MSI1: variants seen among roughly 807,000 people sequenced by gnomAD.
MSI1 encodes musashi RNA binding protein 1, also known as RNA-binding protein Musashi homolog 1.
In MSI1, 15 loss-of-function variants were observed where a neutral mutation model predicts 54.4. That is an observed-to-expected ratio of 0.28 (90% CI 0.18 to 0.42). MSI1 has a LOEUF of 0.42. Ranked by LOEUF, MSI1 falls within the 20% of genes least tolerant of loss-of-function variation. MSI1 has a pLI of 1.00. For synonymous variants in MSI1, 200 were observed against 196.5 expected, an observed-to-expected ratio of 1.02 and a Z score of -0.15; for missense variants, 304 against 506.0, an observed-to-expected ratio of 0.60 and a Z score of 3.83.
chr12:120,342,112 G>A lies in MSI1; in HGVS notation c.*1015C>T. The A allele has an allele frequency of 6.5e-6, 1 of 153,562 alleles. No individual in the cohort carries two copies. Among genetic ancestry groups the A allele is most frequent in the Non-Finnish European group, 1.5e-5 (1 of 68,778 alleles). 9.5% of individuals were successfully genotyped at this position (153,562 alleles called of 1,614,324 possible). On this transcript the variant is annotated 3_prime_UTR_variant, in exon 15 of 15. Transcript: ENST00000257552. Reference sequence around the variant, plus strand: ...TGCCCACTCATTGCGGGGGTCGAGGGGGAAGGGGGACAGACTGAGCAGAAA... The same window carrying A: ...TGCCCACTCATTGCGGGGGTCGAGGAGGAAGGGGGACAGACTGAGCAGAAA...
intron 6 of MSI1, among the ~76,000 whole-genome samples, chr12:120,362,683 C>CG (rs138952776): frequency 1.4e-3 from 206 of 152,328 alleles, no homozygotes; most frequent in African/African-American, 4.8e-3. Context: ...GGTTCAATAG[C>CG]CTGTGGCCTG....
intron 11 of MSI1, among the ~76,000 whole-genome samples, chr12:120,347,775 A>G (rs946847496): frequency 1.1e-4 from 17 of 152,146 alleles, no homozygotes; most frequent in Admixed American, 6.5e-5. Flanking sequence ...CTGGGGGGAC[A>G]TGCTTGAATA....
intron 6 of MSI1, among the ~76,000 whole-genome samples, chr12:120,362,094 C>A (rs941296610): frequency 6.6e-6 from 1 of 151,982 alleles, no homozygotes; most frequent in Non-Finnish European, 1.5e-5. Flanking sequence ...AGGTGCCCAC[C>A]GAGGCACGAA....
In MSI1 at chr12:120,368,212, G is replaced by A. The variant is rs905651256; in HGVS notation, c.162C>T (p.Asp54=). 5.0e-6 allele frequency: 8 copies of A among 1,587,692 alleles called. No homozygotes were observed. The Admixed American group carries it at 5.3e-5, about 10-fold the overall frequency. The change falls in exon 3 of 15, where the codon GAC becomes GAT. Residue 54 remains aspartate, a synonymous_variant. Transcript: ENST00000257552. The surrounding 1 kb of genome is among the most constrained non-coding windows in gnomAD (Gnocchi z 6.6). ...GEVKECLVMR[D]PLTKRSRGFG... is the part of the protein sequence containing the mutation. ...CTCACCTGGATCTCTTGGTCAGGGG[G>A]TCCCGCATCACCAGACACTCCTTCA...
chr12:120,347,578 C>CCTACCTTT, intron 11 of MSI1, 64 bp from the exon 12 acceptor site: 1 of 1,600,068 alleles, frequency 6.2e-7, no homozygotes, highest in Non-Finnish European at 8.6e-7. Flanking sequence ...GAAGGAGGCC[C>CCTACCTTT]CTACCTTTTA....
At chr12:120,354,496 A>C (rs532402790) in intron 9 of MSI1, among the ~76,000 whole-genome samples, 1 of 151,542 alleles carries the variant, frequency 6.6e-6, no homozygotes, top group African/African-American at 2.4e-5. Flanking sequence ...CAATGGCATG[A>C]TCTCGGCTCA....
chr12:120,351,247 A>C (rs1874570888), intron 11 of MSI1, 97 bp downstream of exon 11: 1 of 1,172,672 alleles, frequency 8.5e-7, no homozygotes, highest in Non-Finnish European at 1.2e-6. Flanking sequence ...GGCGGGCAGG[A>C]GAAAAGGATC....
chr12:120,345,448 G>A, intron 14 of MSI1, 122 bp downstream of exon 14: 1 of 795,750 alleles, frequency 1.3e-6, no homozygotes, highest in East Asian at 2.5e-5. Context: ...CTGGTATAAA[G>A]ATCTGTCTCC....
Position 120,368,807 on chromosome 12 carries a change from C to T in MSI1, c.100+26G>A, listed in dbSNP as rs890806541. On this transcript the variant is annotated intron_variant, in intron 2 of 14. Coordinates refer to ENST00000257552, the MANE Select transcript of MSI1 (RefSeq NM_002442.4). This position sits in a 1 kb window ranked among gnomAD's most constrained non-coding sequence, Gnocchi z 6.6. ...GGGGGTCCGGGGTGCCCTGCCGGAC[C>T]GGCGGGCGCTCCCGGGCTCGCTCAC... 32 of 1,392,826 alleles carry T rather than the reference C, an allele frequency of 2.3e-5. No individual in the cohort carries two copies. The highest frequency in any genetic ancestry group is 2.9e-5 in the Non-Finnish European group (31 of 1,058,528). 86.3% of individuals were successfully genotyped at this position (1,392,826 alleles called of 1,614,324 possible).
chr12:120,343,755 A>G (rs1052218838), intron 14 of MSI1, among the ~76,000 whole-genome samples: 3 of 152,174 alleles, frequency 2.0e-5, no homozygotes, highest in African/African-American at 7.2e-5. Flanking sequence ...GGGGCTCATA[A>G]ATGAATGGGT....
chr12:120,365,232 C>G (rs924698315), intron 4 of MSI1, among the ~76,000 whole-genome samples: 1 of 152,172 alleles, frequency 6.6e-6, no homozygotes, highest in Non-Finnish European at 1.5e-5. Flanking sequence ...TAGACCCTAA[C>G]GTCCCACTGC....
intron 7 of MSI1, among the ~76,000 whole-genome samples, chr12:120,358,415 C>T (rs1462310157): frequency 6.6e-6 from 1 of 151,844 alleles, no homozygotes; most frequent in East Asian, 1.9e-4. Flanking sequence ...GATACAAATA[C>T]ACACACACAC....
intron 4 of MSI1, among the ~76,000 whole-genome samples, chr12:120,366,775 G>A (rs1462039271): frequency 1.3e-5 from 2 of 151,984 alleles, no homozygotes; most frequent in Non-Finnish European, 2.9e-5. Flanking sequence ...TCCTAAGGAT[G>A]CTCATCTCAC....
intron 7 of MSI1, 53 bp downstream of exon 7, chr12:120,358,950 GCC>G: frequency 6.5e-7 from 1 of 1,545,478 alleles, no homozygotes; most frequent in Non-Finnish European, 8.8e-7. Context: ...GTGACCTGCA[GCC>G]CCCTGGCTGA....
Position 120,350,255 on chromosome 12 carries a change from G to A in MSI1, c.790+1089C>T, listed in dbSNP as rs1258186654. Among the ~76,000 whole-genome samples the A allele has an allele frequency of 5.3e-5, 8 of 152,234 alleles. No individual in the cohort carries two copies. In the East Asian group the frequency reaches 1.5e-3, roughly 29 times the overall value. On this transcript the variant is annotated intron_variant, in intron 11 of 14. Transcript: ENST00000257552. ...TTGCCCAGGCTAGTCTTGAACTTCT[G>A]GCCTCAAGGGATACTCCTGCTTTGG...
In MSI1 at chr12:120,346,296, G is replaced by C. The variant is rs755866104; in HGVS notation, c.886C>G (p.Pro296Ala). 11 of 1,575,420 alleles carry C rather than the reference G, an allele frequency of 7.0e-6. No homozygotes were observed. The African/African-American group carries it at 1.5e-4, about 21-fold the overall frequency. ...GTGCGGCTGGGAGTCGAACCTGGAG[G>C]GGGAGCCATCGTCCAGGGGTGAGAG... ...TGSHPWTMAPPPGSTPSRTGG... is the reference protein window; with the variant it reads ...TGSHPWTMAPAPGSTPSRTGG... The change falls in exon 13 of 15, where the codon CCT (proline) becomes GCT (alanine). Residue 296 changes from proline to alanine, a missense_variant. Pro to Ala is a conservative substitution (Grantham distance 27). This residue lies in a region of MSI1 where 147 missense variants were observed against 231.5 expected (regional missense o/e 0.64). Transcript: ENST00000257552.
chr12:120,352,093 C>T (rs1321001583), intron 10 of MSI1, among the ~76,000 whole-genome samples: 1 of 151,472 alleles, frequency 6.6e-6, no homozygotes, highest in African/African-American at 2.4e-5. Context: ...ACACAGCTCA[C>T]TACACACTCG....
chr12:120,361,530 G>A (rs554371844), intron 6 of MSI1: 2 of 151,984 alleles, frequency 1.3e-5, no homozygotes, highest in Admixed American at 6.5e-5. Flanking sequence ...GGAGGCTCCC[G>A]GCCCAGTGTC....
intron 13 of MSI1, 127 bp from the exon 14 acceptor site, chr12:120,345,759 A>G (rs1874060555): frequency 1.9e-6 from 2 of 1,080,910 alleles, no homozygotes; most frequent in South Asian, 1.3e-5. Flanking sequence ...TCGCCCCCCT[A>G]CTGCAGGTCT....
Sources: allele counts gnomAD v4.1 joint callset (sites outside exome capture counted in the v4.1 genomes callset), GRCh38; gene constraint gnomAD v4.1.1; regional missense constraint gnomAD v4.1.1; non-coding constraint Gnocchi (gnomAD v3.1); transcripts MANE v1.5; gene names NCBI Gene and HGNC (gene_info 2026-07-23, HGNC 2026-07-21).